The following EP400 variants were observed in gnomAD, a reference collection of about 807,000 sequenced individuals.
EP400 encodes E1A-binding protein p400.
Under a neutral mutation model 354.1 loss-of-function variants are expected in EP400, and 105 were observed. That is an observed-to-expected ratio of 0.30 (90% CI 0.25 to 0.35). EP400 has a LOEUF of 0.35. Among genes scored for constraint, EP400 ranks in the 10% least tolerant of loss-of-function variants. The pLI, the probability that EP400 is intolerant of heterozygous loss-of-function variation, is 1.00. For missense variants in EP400, 3,280 were observed against 4,121.0 expected (o/e 0.80, Z 5.59); for synonymous variants, 1,646 against 1,716.9 (o/e 0.96, Z 1.02).
chr12:132,062,539 G>GCAA lies in EP400; in HGVS notation c.8174_8175insACA (p.Gln2748dup), dbSNP rs758634835. ...AGCTTCTCAGGCAGCAGCAGCAGCA[G>GCAA]CAGCAACAACAGCAGCAGCAGCAGC... On this transcript the variant is annotated inframe_insertion, in exon 47 of 53. Coordinates refer to ENST00000389561, the MANE Select transcript of EP400 (RefSeq NM_015409.5). 65 of 1,592,322 alleles carry GCAA rather than the reference G, an allele frequency of 4.1e-5. No homozygotes were observed. The African/African-American group carries it at 8.5e-4, about 21-fold the overall frequency.
chr12:132,036,111 C>A (rs1419932803), intron 30 of EP400, among the ~76,000 whole-genome samples: 1 of 148,756 alleles, frequency 6.7e-6, no homozygotes, highest in Non-Finnish European at 1.5e-5. Context: ...GAAGGACACA[C>A]CCGGGTTCAC....
chr12:132,050,553 A>C lies in EP400; in HGVS notation c.7338-46A>C. On this transcript the variant is annotated intron_variant, in intron 40 of 52. Coordinates refer to ENST00000389561, the MANE Select transcript of EP400 (RefSeq NM_015409.5). This position sits in a 1 kb window ranked among gnomAD's most constrained non-coding sequence, Gnocchi z 4.8. ...GTGTTTTTAACATACCCTTCTTCAG[A>C]TATTTCCTTTATTTAATAATTGCTG... 1 of 1,613,606 alleles carries C rather than the reference A, an allele frequency of 6.2e-7. No homozygotes were observed. Among genetic ancestry groups the C allele is most frequent in the Non-Finnish European group, 8.5e-7 (1 of 1,179,588 alleles).
intron 2 of EP400, among the ~76,000 whole-genome samples, chr12:131,966,097 A>G (rs1456006628): frequency 6.6e-6 from 1 of 152,116 alleles, no homozygotes; most frequent in Non-Finnish European, 1.5e-5. Context: ...AACTTTATTA[A>G]GAACCCGTCC....
At chr12:132,000,508 A>G (rs1893370557) in intron 12 of EP400, among the ~76,000 whole-genome samples, 1 of 152,198 alleles carries the variant, frequency 6.6e-6, no homozygotes. Flanking sequence ...TCTTATCCTT[A>G]CTGATTTTTG....
chr12:131,954,538 A>G (rs1593305951), intron 1 of EP400, among the ~76,000 whole-genome samples: 1 of 152,200 alleles, frequency 6.6e-6, no homozygotes, highest in East Asian at 1.9e-4. Context: ...CAGTCTGGCC[A>G]ACATAGTGAA....
intron 51 of EP400, among the ~76,000 whole-genome samples, chr12:132,073,000 C>G (rs1184421077): frequency 6.6e-6 from 1 of 152,132 alleles, no homozygotes; most frequent in Non-Finnish European, 1.5e-5. Context: ...TTCAGCCATT[C>G]TCTGTGTGTC....
At chr12:132,022,217 G>A (rs544883912) in intron 23 of EP400, among the ~76,000 whole-genome samples, 2 of 152,228 alleles carry the variant, frequency 1.3e-5, no homozygotes, top group African/African-American at 4.8e-5. Flanking sequence ...ACTGTCTTGC[G>A]TGGGATGAGA....
chr12:132,010,239 A>G (rs191931370), intron 15 of EP400, among the ~76,000 whole-genome samples: 9 of 152,098 alleles, frequency 5.9e-5, no homozygotes, highest in South Asian at 4.1e-4. Context: ...GGCACACGCC[A>G]CCACGCCCAG....
intron 23 of EP400, 66 bp downstream of exon 23, chr12:132,021,387 C>A: frequency 1.4e-6 from 2 of 1,438,854 alleles, no homozygotes; most frequent in South Asian, 2.9e-5. Context: ...GTTAAGAACA[C>A]GGGGATGTAG....
rs1335687745 is a variant in EP400, at chr12:132,079,731, G to GT, written c.*2061dup. The GT allele has an allele frequency of 1.4e-4, 21 of 152,228 alleles. No homozygotes were observed. The highest frequency in any genetic ancestry group is 9.8e-4 in the Admixed American group (15 of 15,286). The allele number at this position is 152,228 out of a possible 1,614,324, so 9.4% of individuals were successfully genotyped here. ...GGATTCTGAATATTTGCAATGTGGA[G>GT]TTTCCGCCCCGATCTCACGTCAGTG... On this transcript the variant is annotated 3_prime_UTR_variant, in exon 53 of 53. Coordinates refer to ENST00000389561, the MANE Select transcript of EP400 (RefSeq NM_015409.5).
intron 29 of EP400, among the ~76,000 whole-genome samples, chr12:132,031,027 C>A (rs1287524296): frequency 6.6e-6 from 1 of 151,432 alleles, no homozygotes; most frequent in Non-Finnish European, 1.5e-5. Context: ...AGAAATAGAG[C>A]AAAAGGTGAT....
intron 2 of EP400, among the ~76,000 whole-genome samples, chr12:131,968,822 A>G (rs1892190087): frequency 1.3e-5 from 2 of 152,154 alleles, no homozygotes; most frequent in African/African-American, 2.4e-5. Context: ...TTTGGGGGGT[A>G]TTATAAGTAG....
chr12:132,058,619 G>A (rs1288457680), intron 45 of EP400, among the ~76,000 whole-genome samples: 4 of 152,036 alleles, frequency 2.6e-5, no homozygotes, highest in Non-Finnish European at 5.9e-5. Context: ...CAAAGTGCTG[G>A]GGTTACAGGC....
chr12:132,062,545 ACAACAGCAGCAGCAG>A lies in EP400; in HGVS notation c.8181_8195del (p.Gln2744_Gln2748del), dbSNP rs1280157735. 1 of 1,273,296 alleles carries A rather than the reference ACAACAGCAGCAGCAG, an allele frequency of 7.9e-7. No homozygotes were observed. Among genetic ancestry groups the A allele is most frequent in the African/African-American group, 2.5e-5 (1 of 40,112 alleles). 78.9% of individuals were successfully genotyped at this position (1,273,296 alleles called of 1,614,324 possible). On this transcript the variant is annotated inframe_deletion, in exon 47 of 53. Coordinates refer to ENST00000389561, the MANE Select transcript of EP400 (RefSeq NM_015409.5). The stretch of plus-strand genomic sequence containing the variant: ...TCAGGCAGCAGCAGCAGCAGCAGCA[ACAACAGCAGCAGCAG>A]CAGCAGCAGCAGCAGCAGCAGCAGC...
intron 11 of EP400, among the ~76,000 whole-genome samples, chr12:131,993,352 C>T (rs1045518856): frequency 2.0e-5 from 3 of 152,098 alleles, no homozygotes; most frequent in Non-Finnish European, 4.4e-5. Context: ...TAGTACCATC[C>T]TGCACTGGGG....
chr12:131,971,935 C>G (rs1892299707), intron 2 of EP400, among the ~76,000 whole-genome samples: 1 of 152,028 alleles, frequency 6.6e-6, no homozygotes. Flanking sequence ...GGAAGTCTTA[C>G]ATATATTTTA....
intron 30 of EP400, among the ~76,000 whole-genome samples, chr12:132,034,448 G>T (rs999186612): frequency 2.0e-5 from 3 of 152,148 alleles, no homozygotes; most frequent in Non-Finnish European, 4.4e-5. Flanking sequence ...GCTCCTCATG[G>T]GTGTGAAGGT....
At position 132,018,410 on chromosome 12, in the gene EP400, G is replaced by A. The variant is rs1379723651; in HGVS notation, c.4277+34G>A. The stretch of plus-strand genomic sequence containing the variant: ...GACCCAGAGGCAGCGGGGAGGGTTG[G>A]CTCCCAGGGCCCCCACAGCTGACCC... On this transcript the variant is annotated intron_variant, in intron 21 of 52. Transcript: ENST00000389561. The surrounding 1 kb of genome is among the most constrained non-coding windows in gnomAD (Gnocchi z 4.0). 2 of 1,567,438 alleles carry A rather than the reference G, an allele frequency of 1.3e-6. No homozygotes were observed. The highest frequency in any genetic ancestry group is 1.7e-6 in the Non-Finnish European group (2 of 1,162,176).
chr12:132,062,751 G>T (rs1407079560), intron 47 of EP400, 50 bp downstream of exon 47: 2 of 1,603,168 alleles, frequency 1.2e-6, no homozygotes, highest in African/African-American at 1.3e-5. Context: ...CGGTCAGTCA[G>T]CCCAGCGTCT....
Sources: allele counts gnomAD v4.1 joint callset (sites outside exome capture counted in the v4.1 genomes callset), GRCh38; gene constraint gnomAD v4.1.1; non-coding constraint Gnocchi (gnomAD v3.1); transcripts MANE v1.5; gene names NCBI Gene and HGNC (gene_info 2026-07-23, HGNC 2026-07-21).